The following GRM3 variants were observed in gnomAD, a reference collection of about 807,000 sequenced individuals.
GRM3 encodes the protein metabotropic glutamate receptor 3.
Under a neutral mutation model 70.5 loss-of-function variants are expected in GRM3, and 26 were observed. The observed-to-expected ratio is 0.37, with a 90% CI of 0.27 to 0.51. The LOEUF (loss-of-function observed/expected upper bound fraction) is 0.51, where lower values mean the gene tolerates loss of function less well. Ranked by LOEUF, GRM3 falls within the 20% of genes least tolerant of loss-of-function variation. The pLI, the probability that GRM3 is intolerant of heterozygous loss-of-function variation, is 0.93. For missense variants in GRM3, 859 were observed against 1,123.8 expected, an observed-to-expected ratio of 0.76 and a Z score of 3.37; for synonymous variants, 443 against 434.9, an observed-to-expected ratio of 1.02 and a Z score of -0.23.
chr7:86,704,056 T>C (rs533596440), intron 1 of GRM3, among the ~76,000 whole-genome samples: 2 of 152,098 alleles, frequency 1.3e-5, no homozygotes, highest in South Asian at 4.1e-4. Context: ...CCTCAGGTGA[T>C]GATTGAAGTT....
At chr7:86,762,576 T>C (rs1796505906) in intron 1 of GRM3, among the ~76,000 whole-genome samples, 2 of 152,134 alleles carry the variant, frequency 1.3e-5, no homozygotes, top group African/African-American at 4.8e-5. Flanking sequence ...TGCTGTGCCA[T>C]TTCATTAATT....
intron 1 of GRM3, among the ~76,000 whole-genome samples, chr7:86,652,976 A>G (rs1361097193): frequency 6.6e-6 from 1 of 152,218 alleles, no homozygotes. Flanking sequence ...TTTGAGAAAC[A>G]TTGTTGTCTT....
chr7:86,765,051 G>A lies in GRM3; in HGVS notation c.-95G>A, dbSNP rs963581631. ...TTAGTCTGTTCCTCCCTTATTTGAA[G>A]GACAGGCCAAAGATCCAGTTTGGAA... On this transcript the variant is annotated 5_prime_UTR_variant, in exon 2 of 6. Coordinates refer to ENST00000361669, the MANE Select transcript of GRM3 (RefSeq NM_000840.3). 2.1e-5 allele frequency: 32 copies of A among 1,495,116 alleles called. No homozygotes were observed. Among genetic ancestry groups the A allele is most frequent in the Non-Finnish European group, 2.7e-5 (31 of 1,130,322 alleles). 92.6% of individuals were successfully genotyped at this position (1,495,116 alleles called of 1,614,324 possible).
intron 1 of GRM3, among the ~76,000 whole-genome samples, chr7:86,686,045 A>C (rs1337540662): frequency 6.6e-6 from 1 of 152,196 alleles, no homozygotes; most frequent in Non-Finnish European, 1.5e-5. Context: ...AATAATAATT[A>C]TCAGTTTAAA....
At chr7:86,724,684 C>T (rs2116246669) in intron 1 of GRM3, among the ~76,000 whole-genome samples, 1 of 152,168 alleles carries the variant, frequency 6.6e-6, no homozygotes, top group Admixed American at 6.6e-5. Context: ...TGGGATGGAG[C>T]CTGAGAGTCT....
At chr7:86,826,728 A>G (rs956528671) in intron 3 of GRM3, among the ~76,000 whole-genome samples, 17 of 152,202 alleles carry the variant, frequency 1.1e-4, no homozygotes, top group Admixed American at 7.9e-4. Context: ...CCCTAGACCA[A>G]GGTTTCTCAA....
In GRM3 at chr7:86,786,140, G is replaced by A. The variant is rs901501450; in HGVS notation, c.469-121G>A. 1 of 809,852 alleles carries A rather than the reference G, an allele frequency of 1.2e-6. No individual in the cohort carries two copies. The highest frequency in any genetic ancestry group is 1.7e-5 in the African/African-American group (1 of 58,266). The allele number at this position is 809,852 out of a possible 1,614,324, so 50.2% of individuals were successfully genotyped here. On this transcript the variant is annotated intron_variant, in intron 2 of 5. Coordinates refer to ENST00000361669, the MANE Select transcript of GRM3 (RefSeq NM_000840.3). This position sits in a 1 kb window ranked among gnomAD's most constrained non-coding sequence, Gnocchi z 6.0. Reference sequence around the variant, plus strand: ...TCATCTCAAGAACTAACAGAAAAATGTAGCCATCTAGAGTAGAGGGAAAAG... The same window carrying A: ...TCATCTCAAGAACTAACAGAAAAATATAGCCATCTAGAGTAGAGGGAAAAG...
chr7:86,737,052 A>G (rs1250110124), intron 1 of GRM3, among the ~76,000 whole-genome samples: 3 of 152,174 alleles, frequency 2.0e-5, no homozygotes, highest in East Asian at 1.9e-4. Flanking sequence ...CTCCACTTCA[A>G]AAATGATCAT....
At chr7:86,660,123 A>G (rs145496227) in intron 1 of GRM3, among the ~76,000 whole-genome samples, 116 of 152,192 alleles carry the variant, frequency 7.6e-4, no homozygotes, top group Middle Eastern at 3.4e-3. Flanking sequence ...GTTAGAAAGA[A>G]AGAGGTCCTG....
chr7:86,665,549 A>G (rs551925117), intron 1 of GRM3, among the ~76,000 whole-genome samples: 2 of 152,108 alleles, frequency 1.3e-5, no homozygotes, highest in Non-Finnish European at 2.9e-5. Flanking sequence ...CAACTCTTTC[A>G]TAATCCCGTC....
chr7:86,825,622 C>T (rs533249140), intron 3 of GRM3, among the ~76,000 whole-genome samples: 7 of 152,278 alleles, frequency 4.6e-5, no homozygotes, highest in African/African-American at 1.7e-4. Flanking sequence ...AATTAATTTG[C>T]CTTACCCATG....
intron 1 of GRM3, among the ~76,000 whole-genome samples, chr7:86,759,505 T>C (rs1796427805): frequency 2.0e-5 from 3 of 152,146 alleles, no homozygotes. Flanking sequence ...AATTTATTAT[T>C]TAACCAACTT....
rs114492787 is a variant in GRM3, at chr7:86,648,107, G to A, written c.-141+3235G>A. Among the ~76,000 whole-genome samples the A allele has an allele frequency of 9.1e-3, 1,382 of 152,282 alleles. 16 individuals carry two copies. Among genetic ancestry groups the A allele is most frequent in the African/African-American group, 0.032 (1,319 of 41,566 alleles). ...ATACAAAAGCTTCACACAGTTACAG[G>A]AGAGAATACAAAGATGGCAATTCTA... On this transcript the variant is annotated intron_variant, in intron 1 of 5. Coordinates refer to ENST00000361669, the MANE Select transcript of GRM3 (RefSeq NM_000840.3).
chr7:86,710,112 G>T (rs964435168), intron 1 of GRM3: 1 of 152,020 alleles, frequency 6.6e-6, no homozygotes, highest in African/African-American at 2.4e-5. Flanking sequence ...ATAATCAAGA[G>T]ACTACTTGTT....
intron 2 of GRM3, among the ~76,000 whole-genome samples, chr7:86,770,783 A>G (rs77708989): frequency 0.037 from 5,607 of 152,242 alleles, 330 homozygotes; most frequent in African/African-American, 0.13. Context: ...GCCTTCATAT[A>G]GTTAGCTGTC....
chr7:86,819,076 G>C (rs1242539680), intron 3 of GRM3, among the ~76,000 whole-genome samples: 1 of 152,090 alleles, frequency 6.6e-6, no homozygotes, highest in Non-Finnish European at 1.5e-5. Flanking sequence ...TCCCCACGGA[G>C]TCCTGACAGC....
chr7:86,818,772 C>T lies in GRM3; in HGVS notation c.1325-20067C>T, dbSNP rs569740252. Among the ~76,000 whole-genome samples, 6 of 152,152 alleles carry T rather than the reference C, an allele frequency of 3.9e-5. No individual in the cohort carries two copies. The South Asian group carries it at 1.2e-3, about 32-fold the overall frequency. On this transcript the variant is annotated intron_variant, in intron 3 of 5. Coordinates refer to ENST00000361669, the MANE Select transcript of GRM3 (RefSeq NM_000840.3). Reference sequence around the variant, plus strand: ...AGATACCTATAGTCTTAGTTACTTCCTAGCAAAATTCCCCAAATTCCCAAA... The same window carrying T: ...AGATACCTATAGTCTTAGTTACTTCTTAGCAAAATTCCCCAAATTCCCAAA...
intron 1 of GRM3, among the ~76,000 whole-genome samples, chr7:86,681,871 GA>G (rs754652570): frequency 1.4e-4 from 21 of 152,202 alleles, no homozygotes; most frequent in Admixed American, 3.3e-4. Flanking sequence ...GTATTCCTGA[GA>G]AAAAAAGTTC....
intron 1 of GRM3, among the ~76,000 whole-genome samples, chr7:86,748,350 G>A (rs1299138090): frequency 1.3e-5 from 2 of 151,944 alleles, no homozygotes; most frequent in Non-Finnish European, 2.9e-5. Context: ...GCAGGAATTC[G>A]AAGTCATTTG....
Sources: gnomAD v4.1 joint callset for allele counts (sites outside exome capture counted in the v4.1 genomes callset) on GRCh38, gnomAD v4.1.1 for gene constraint, Gnocchi (gnomAD v3.1) non-coding constraint, MANE v1.5 for transcripts, NCBI Gene and HGNC (gene_info 2026-07-23, HGNC 2026-07-21) for gene names.